KHDRBS2: variants seen among roughly 807,000 people sequenced by gnomAD.
KHDRBS2 encodes KH RNA binding domain containing, signal transduction associated 2.
Under a neutral mutation model 44.3 loss-of-function variants are expected in KHDRBS2, and 26 were observed. The ratio of observed to expected loss-of-function variants is 0.59; its 90% CI spans 0.43 to 0.81. KHDRBS2 has a LOEUF of 0.81. Among genes scored for constraint, KHDRBS2 ranks in the 40% least tolerant of loss-of-function variants. The probability of loss-of-function intolerance (pLI) is 0.00; values close to 1 mark genes in which losing one functional copy is unlikely to be tolerated. For synonymous variants in KHDRBS2, 194 were observed against 151.1 expected, an observed-to-expected ratio of 1.28 and a Z score of -2.08; for missense variants, 476 against 433.1, an observed-to-expected ratio of 1.10 and a Z score of -0.88.
chr6:61,670,870 C>G, the KHDRBS2 span, among the ~76,000 whole-genome samples: 1 of 151,482 alleles, frequency 6.6e-6, no homozygotes, highest in Non-Finnish European at 1.5e-5. Context: ...ACAATGGACA[C>G]GTATTGGTTT....
intron 1 of KHDRBS2, among the ~76,000 whole-genome samples, chr6:62,281,475 C>G (rs1204483756): frequency 4.6e-5 from 7 of 151,884 alleles, no homozygotes; most frequent in Non-Finnish European, 7.4e-5. Context: ...CAAAAATTAG[C>G]CGGGTGTGGT....
intron 1 of KHDRBS2, among the ~76,000 whole-genome samples, chr6:62,221,154 C>A (rs1830832367): frequency 6.6e-6 from 1 of 151,498 alleles, no homozygotes; most frequent in Non-Finnish European, 1.5e-5. Context: ...TTGCCATTTG[C>A]CACAACATGA....
chr6:61,806,744 C>CA (rs1197394480), intron 6 of KHDRBS2, among the ~76,000 whole-genome samples: 25 of 150,382 alleles, frequency 1.7e-4, no homozygotes, highest in South Asian at 1.3e-3. Context: ...TCTATTATTT[C>CA]AAAAAAAAGG....
At chr6:61,625,466 G>C in the KHDRBS2 span, among the ~76,000 whole-genome samples, 2 of 151,392 alleles carry the variant, frequency 1.3e-5, no homozygotes, top group African/African-American at 2.4e-5. Flanking sequence ...ATAGCTTCTA[G>C]TTGCTACATT....
At chr6:62,021,950 T>C (rs1194613546) in intron 3 of KHDRBS2, among the ~76,000 whole-genome samples, 4 of 107,772 alleles carry the variant, frequency 3.7e-5, no homozygotes, top group South Asian at 3.0e-4. Context: ...ACACACTATA[T>C]ACATATACAC....
At chr6:61,774,374 C>G (rs1276324496) in intron 6 of KHDRBS2, among the ~76,000 whole-genome samples, 2 of 151,346 alleles carry the variant, frequency 1.3e-5, no homozygotes, top group East Asian at 1.9e-4. Context: ...TTGCCGATGA[C>G]ATGATTGTAT....
chr6:61,945,100 AAAAAAAAAAAAAGTATATAT>A (rs1266356369), intron 4 of KHDRBS2, among the ~76,000 whole-genome samples: 1,474 of 52,476 alleles, frequency 0.028, 166 homozygotes, highest in African/African-American at 0.092. Context: ...TAAAAAAAAA[AAAAAAAAAAAAAGTATATAT>A]ATATATATAT....
chr6:62,064,033 G>A (rs889644477), intron 2 of KHDRBS2, among the ~76,000 whole-genome samples: 3 of 145,254 alleles, frequency 2.1e-5, no homozygotes, highest in South Asian at 2.3e-4. Context: ...ATTCACAATT[G>A]CTTCAAAGAG....
chr6:61,585,515 A>G, the KHDRBS2 span, among the ~76,000 whole-genome samples: 1 of 152,044 alleles, frequency 6.6e-6, no homozygotes, highest in Non-Finnish European at 1.5e-5. Context: ...CCTATTCTCT[A>G]AGATAAGAGG....
At chr6:62,142,763 T>C (rs753852305) in intron 2 of KHDRBS2, among the ~76,000 whole-genome samples, 10 of 151,806 alleles carry the variant, frequency 6.6e-5, no homozygotes, top group Non-Finnish European at 1.5e-5. Context: ...GTCCTAAAAA[T>C]GATCTTCATA....
chr6:61,617,236 C>T, the KHDRBS2 span, among the ~76,000 whole-genome samples: 2 of 152,078 alleles, frequency 1.3e-5, no homozygotes, highest in African/African-American at 2.4e-5. Context: ...ACTGTTCTGT[C>T]GCTATAGGTC....
chr6:62,218,217 G>T (rs1285267147), intron 1 of KHDRBS2, among the ~76,000 whole-genome samples: 1 of 151,906 alleles, frequency 6.6e-6, no homozygotes, highest in Non-Finnish European at 1.5e-5. Context: ...TAGCCAGGCT[G>T]CTAGTCATCT....
Position 61,836,645 on chromosome 6 carries a change from T to C in KHDRBS2, c.810+57990A>G, listed in dbSNP as rs148269023. Among the ~76,000 whole-genome samples, 712 of 152,118 alleles carry C rather than the reference T, an allele frequency of 4.7e-3. 10 individuals carry two copies. The highest frequency in any genetic ancestry group is 0.016 in the African/African-American group (671 of 41,540). On this transcript the variant is annotated intron_variant, in intron 6 of 8. Coordinates refer to ENST00000281156, the MANE Select transcript of KHDRBS2 (RefSeq NM_152688.4). ...TCAGTGCTATAACTAACTAGAGAAA[T>C]AAAATGGATGTCTATGATCTCTCTT...
chr6:62,102,195 T>A (rs208978), intron 2 of KHDRBS2, among the ~76,000 whole-genome samples: 120,738 of 151,898 alleles, frequency 0.79, 48,577 homozygotes, highest in African/African-American at 0.92. Flanking sequence ...AAACCCAAAG[T>A]TTTTAAATAT....
At chr6:61,993,284 T>C (rs1386822505) in intron 3 of KHDRBS2, among the ~76,000 whole-genome samples, 2 of 152,072 alleles carry the variant, frequency 1.3e-5, no homozygotes, top group Non-Finnish European at 2.9e-5. Flanking sequence ...GTTTTCTTCA[T>C]AGTATCACCG....
chr6:62,280,691 T>C (rs1267071458), intron 1 of KHDRBS2, among the ~76,000 whole-genome samples: 2 of 152,182 alleles, frequency 1.3e-5, no homozygotes, highest in Non-Finnish European at 2.9e-5. Flanking sequence ...TTTCCAATAT[T>C]TGTGGCAAGT....
intron 2 of KHDRBS2, among the ~76,000 whole-genome samples, chr6:62,057,088 A>G (rs1213253438): frequency 2.0e-5 from 3 of 151,992 alleles, no homozygotes; most frequent in African/African-American, 7.2e-5. Context: ...AGTGAGAGAA[A>G]GTTGGCTTTT....
chr6:61,597,633 C>A, the KHDRBS2 span, among the ~76,000 whole-genome samples: 11 of 148,578 alleles, frequency 7.4e-5, no homozygotes, highest in African/African-American at 2.5e-4. Context: ...TTGAAGGTGG[C>A]AGAATGGGGG....
chr6:61,848,472 T>TATATATATATATATATATATATAC (rs1232105997), intron 6 of KHDRBS2, among the ~76,000 whole-genome samples: 6 of 47,606 alleles, frequency 1.3e-4, no homozygotes, highest in Non-Finnish European at 2.2e-4. Flanking sequence ...GGAGGTTTTA[T>TATATATATATATATATATATATAC]ATATATATAT....
Sources: allele counts gnomAD v4.1 joint callset (sites outside exome capture counted in the v4.1 genomes callset), GRCh38; gene constraint gnomAD v4.1.1; transcripts MANE v1.5; gene names NCBI Gene and HGNC (gene_info 2026-07-23, HGNC 2026-07-21).